The following HUWE1 variants were observed in gnomAD, a reference collection of about 807,000 sequenced individuals.
The protein encoded by HUWE1 is E3 ubiquitin-protein ligase HUWE1.
HUWE1 carries 18 observed loss-of-function variants against 299.4 expected under a neutral mutation model. That is an observed-to-expected ratio of 0.06 (90% CI 0.04 to 0.09). The LOEUF (loss-of-function observed/expected upper bound fraction) is 0.09. Among genes scored for constraint, HUWE1 ranks in the 10% least tolerant of loss-of-function variants. The pLI is 1.00. For synonymous variants in HUWE1, 1,317 were observed against 1,286.1 expected (o/e 1.02, Z -0.51); for missense variants, 1,832 against 3,462.3 (o/e 0.53, Z 11.82).
chrX:53,534,942 GT>G (rs34065694), intron 81 of HUWE1, among the ~76,000 whole-genome samples: 154 of 100,660 alleles, frequency 1.5e-3, no homozygotes, highest in Middle Eastern at 5.1e-3. Flanking sequence ...AGCTGGGTTT[GT>G]TTTTTTTTTT....
At position 53,569,605 on chromosome X, in the gene HUWE1, A is replaced by G. The variant is rs2062731250; in HGVS notation, c.6524+11T>C. ...CTTGGCTATTAGCCCTGGGACAGGTATGAATCTTACCTGGCATGTTTCTCT... is the reference window on the plus strand; with the variant it reads ...CTTGGCTATTAGCCCTGGGACAGGTGTGAATCTTACCTGGCATGTTTCTCT... On this transcript the variant is annotated intron_variant, in intron 48 of 83. Coordinates refer to ENST00000262854, the MANE Select transcript of HUWE1 (RefSeq NM_031407.7). The G allele has an allele frequency of 8.3e-7, 1 of 1,200,768 alleles. No individual in the cohort carries two copies. Among genetic ancestry groups the G allele is most frequent in the Non-Finnish European group, 1.1e-6 (1 of 886,781 alleles).
At chrX:53,581,590 CA>C (rs1226756846) in intron 42 of HUWE1, among the ~76,000 whole-genome samples, 2 of 111,807 alleles carry the variant, frequency 1.8e-5, no homozygotes, top group African/African-American at 6.5e-5. Context: ...GAAAATAACT[CA>C]ATTGTATTAT....
rs2063755888 is a variant in HUWE1 at position 53,584,193 on chromosome X, TTTA to T, written c.5151_5153del (p.Asn1717del). 8.3e-7 allele frequency: 1 copy of T among 1,206,786 alleles called. No individual in the cohort carries two copies. The highest frequency in any genetic ancestry group is 1.8e-5 in the South Asian group (1 of 56,741). On this transcript the variant is annotated inframe_deletion, in exon 41 of 84. Transcript: ENST00000262854. ...AACACTCTTGGTACATACCATTGCC[TTTA>T]TTTTCTTTACGTTTGATATCCATTT...
At chrX:53,677,079 C>T (rs1311474456) in intron 3 of HUWE1, among the ~76,000 whole-genome samples, 1 of 85,513 alleles carries the variant, frequency 1.2e-5, no homozygotes, top group Non-Finnish European at 2.3e-5. Context: ...GAATGAACAC[C>T]CCCCCACCCC....
chrX:53,537,777 A>G, intron 77 of HUWE1, 81 bp from the exon 78 acceptor site: 7 of 967,445 alleles, frequency 7.2e-6, no homozygotes, highest in Non-Finnish European at 8.6e-6. Flanking sequence ...GAAGACCCAC[A>G]ATGATGCTCC....
intron 3 of HUWE1, among the ~76,000 whole-genome samples, chrX:53,678,336 C>A (rs1557051895): frequency 2.7e-5 from 3 of 111,715 alleles, no homozygotes; most frequent in African/African-American, 9.8e-5. Flanking sequence ...TTTAACAACA[C>A]CACCTATGAA....
At chrX:53,626,216 C>CGTGTGTGT (rs58080331) in intron 17 of HUWE1, among the ~76,000 whole-genome samples, 93 of 94,923 alleles carry the variant, frequency 9.8e-4, no homozygotes, top group African/African-American at 3.5e-3. Flanking sequence ...CATACATACA[C>CGTGTGTGT]GTGTGTGTGT....
rs782742129 is a variant in HUWE1, at chrX:53,549,161, T to C, written c.9833A>G (p.Lys3278Arg). ...PLDLLHKMES[K>R]SSNQLSWLSV... ...GAGCCAGGAAAGCTGGTTGGAGCTC[T>C]TTGACTCCATCTTGTGTAGCAGGTC... Residue 3278 changes from lysine to arginine, a missense_variant, in exon 67 of 84, where the codon AAG (lysine) becomes AGG (arginine). Lys to Arg is a conservative substitution (Grantham distance 26). Coordinates refer to ENST00000262854, the MANE Select transcript of HUWE1 (RefSeq NM_031407.7). 40 of 1,210,542 alleles carry C rather than the reference T, an allele frequency of 3.3e-5. 1 individual carries two copies. The East Asian group carries it at 4.7e-4, about 14-fold the overall frequency.
chrX:53,569,177 C>T (rs1033798059), intron 48 of HUWE1, among the ~76,000 whole-genome samples: 11 of 111,301 alleles, frequency 9.9e-5, no homozygotes, highest in African/African-American at 3.6e-4. Context: ...CGGGAGCGTG[C>T]CACTACGCCC....
intron 15 of HUWE1, 77 bp downstream of exon 15, chrX:53,628,416 A>G (rs1557019863): frequency 3.9e-6 from 4 of 1,035,664 alleles, no homozygotes; most frequent in Non-Finnish European, 5.2e-6. Flanking sequence ...ACTGTGAAAC[A>G]CCCCAAACTT....
At chrX:53,536,801 C>A (rs2061082194) in intron 78 of HUWE1, 134 bp from the exon 79 acceptor site, 1 of 556,593 alleles carries the variant, frequency 1.8e-6, no homozygotes, top group South Asian at 2.8e-5. Flanking sequence ...CAGAGAGTGC[C>A]AGGACAGCCC....
At chrX:53,576,790 G>A in intron 44 of HUWE1, 110 bp downstream of exon 44, 2 of 737,680 alleles carry the variant, frequency 2.7e-6, no homozygotes, top group South Asian at 2.3e-5. Context: ...TTGAGCCCCA[G>A]AGTATGGGCA....
In HUWE1 at chrX:53,628,371, T is replaced by G; in HGVS notation, c.1242+122A>C. On this transcript the variant is annotated intron_variant, in intron 15 of 83. Coordinates refer to ENST00000262854, the MANE Select transcript of HUWE1 (RefSeq NM_031407.7). ...ACTGGCCTTCTACTTAAGTATAACTTTTTCTGGATAAGCTTTCTTATATTA... is the reference window on the plus strand; with the variant it reads ...ACTGGCCTTCTACTTAAGTATAACTGTTTCTGGATAAGCTTTCTTATATTA... 8.9e-6 allele frequency: 7 copies of G among 782,956 alleles called. No individual in the cohort carries two copies. In the South Asian group the frequency reaches 1.9e-4, roughly 21 times the overall value. The allele number at this position is 782,956 out of a possible 1,213,427, so 64.5% of individuals were successfully genotyped here.
At chrX:53,667,160 G>T (rs1001848095) in intron 3 of HUWE1, among the ~76,000 whole-genome samples, 2 of 112,245 alleles carry the variant, frequency 1.8e-5, no homozygotes, top group Non-Finnish European at 3.8e-5. Flanking sequence ...ACTTCCTCAT[G>T]CCCAAAGGCT....
intron 7 of HUWE1, among the ~76,000 whole-genome samples, chrX:53,640,069 A>C (rs782291656): frequency 1.8e-5 from 2 of 113,268 alleles, no homozygotes; most frequent in Non-Finnish European, 3.7e-5. Context: ...ATTGTTAAAG[A>C]AGCCCACAAG....
rs374253424 is a variant in HUWE1, at chrX:53,547,716, C to T, written c.10593G>A (p.Ser3531=). The change falls in exon 68 of 84, where the codon TCG becomes TCA. Residue 3531 remains serine, a synonymous_variant. Coordinates refer to ENST00000262854, the MANE Select transcript of HUWE1 (RefSeq NM_031407.7). The part of the protein sequence containing the change: ...TAISTIVVAA[S]TTVTTPTTAT... The stretch of plus-strand genomic sequence containing the variant: ...CAGTCGTGGGGGTAGTCACTGTGGT[C>T]GAAGCAGCTACGACAATGGTGGAAA... The T allele has an allele frequency of 4.6e-5, 55 of 1,206,524 alleles. No individual in the cohort carries two copies. In the African/African-American group the frequency reaches 4.6e-4, roughly 10 times the overall value.
chrX:53,550,818 G>A (rs1556928062), intron 65 of HUWE1, 50 bp from the exon 66 acceptor site: 2 of 1,190,631 alleles, frequency 1.7e-6, no homozygotes, highest in African/African-American at 3.5e-5. Context: ...GTGTAAACTG[G>A]ATATAGGTAA....
Position 53,551,494 on chromosome X carries a change from T to A in HUWE1, c.8882-14A>T. On this transcript the variant is annotated splice_polypyrimidine_tract_variant and intron_variant, in intron 63 of 83. Coordinates refer to ENST00000262854, the MANE Select transcript of HUWE1 (RefSeq NM_031407.7). The stretch of plus-strand genomic sequence containing the variant: ...GGAGACTGATACCTGAAGGGAGATA[T>A]AACATGTAAAGGGATTCACGCCTTA... 1 of 1,167,072 alleles carries A rather than the reference T, an allele frequency of 8.6e-7. No individual in the cohort carries two copies. Among genetic ancestry groups the A allele is most frequent in the Non-Finnish European group, 1.2e-6 (1 of 864,694 alleles).
rs1261541956 is a variant in HUWE1, at chrX:53,634,308, G to C, written c.505-10C>G. 7.6e-6 allele frequency: 9 copies of C among 1,190,643 alleles called. No homozygotes were observed. The highest frequency in any genetic ancestry group is 1.0e-5 in the Non-Finnish European group (9 of 877,647). On this transcript the variant is annotated splice_polypyrimidine_tract_variant and intron_variant, in intron 7 of 83. Coordinates refer to ENST00000262854, the MANE Select transcript of HUWE1 (RefSeq NM_031407.7). Reference sequence around the variant, plus strand: ...CCTTTCCACCCCAGCTCTTGAAAAAGGAAAAAGATAGTGTTAAGACAGTGC... The same window carrying C: ...CCTTTCCACCCCAGCTCTTGAAAAACGAAAAAGATAGTGTTAAGACAGTGC...
Sources: allele counts gnomAD v4.1 joint callset (sites outside exome capture counted in the v4.1 genomes callset), GRCh38; gene constraint gnomAD v4.1.1; transcripts MANE v1.5; gene names NCBI Gene and HGNC (gene_info 2026-07-23, HGNC 2026-07-21).